RILPL1: variants seen among roughly 807,000 people sequenced by gnomAD.
RILPL1 encodes the protein RILP-like protein 1.
Under a neutral mutation model 50.3 loss-of-function variants are expected in RILPL1, and 33 were observed. The ratio of observed to expected loss-of-function variants is 0.66; its 90% CI spans 0.50 to 0.88. The LOEUF (loss-of-function observed/expected upper bound fraction) is 0.88. Among genes scored for constraint, RILPL1 ranks in the 40% least tolerant of loss-of-function variants. The pLI, the probability that RILPL1 is intolerant of heterozygous loss-of-function variation, is 0.00. For missense variants in RILPL1, 418 were observed against 542.5 expected (o/e 0.77, Z 2.28); for synonymous variants, 205 against 228.6 (o/e 0.90, Z 0.93).
rs1882554000 is a variant in RILPL1 at position 123,489,556 on chromosome 12, C to T, written c.802-3751G>A. Among the ~76,000 whole-genome samples the T allele has an allele frequency of 2.0e-5, 3 of 151,226 alleles. No individual in the cohort carries two copies. Among genetic ancestry groups the T allele is most frequent in the South Asian group, 4.2e-4 (2 of 4,772 alleles). ...GTGGGCACCTGTAATCCCAGCTGCT[C>T]GGGAGGCTGAGGCAGGAGAATTGCT... On this transcript the variant is annotated intron_variant, in intron 4 of 6. Coordinates refer to ENST00000376874, the MANE Select transcript of RILPL1 (RefSeq NM_178314.5). This position sits in a 1 kb window ranked among gnomAD's most constrained non-coding sequence, Gnocchi z 4.0.
At position 123,472,075 on chromosome 12, in the gene RILPL1, C is replaced by T; in HGVS notation, c.*463G>A. On this transcript the variant is annotated 3_prime_UTR_variant, in exon 7 of 7. Transcript: ENST00000376874. ...TGGATACATTCTGTATAATACGTTACCATCACAATTTCATGAATGTAACTA... is the reference window on the plus strand; with the variant it reads ...TGGATACATTCTGTATAATACGTTATCATCACAATTTCATGAATGTAACTA... 1 of 168,008 alleles carries T rather than the reference C, an allele frequency of 6.0e-6. No homozygotes were observed. The highest frequency in any genetic ancestry group is 1.3e-5 in the Non-Finnish European group (1 of 76,290). The allele number at this position is 168,008 out of a possible 1,614,324, so 10.4% of individuals were successfully genotyped here. A position where few individuals can be genotyped will look rare whatever the true frequency, so the allele number is the denominator to read the frequency against.
intron 2 of RILPL1, among the ~76,000 whole-genome samples, chr12:123,506,654 C>T (rs755076677): frequency 1.3e-5 from 2 of 152,202 alleles, no homozygotes; most frequent in African/African-American, 2.4e-5. Context: ...GCCATCGAGC[C>T]TCACGGCTTA....
chr12:123,475,851 T>C (rs1881554310), intron 6 of RILPL1: 1 of 715,682 alleles, frequency 1.4e-6, no homozygotes, highest in African/African-American at 1.8e-5. Context: ...GATTAGGGTC[T>C]AAGTTAGCGG....
In RILPL1 at chr12:123,522,798, G is replaced by A. The variant is rs892862934; in HGVS notation, c.460+697C>T. Reference sequence around the variant, plus strand: ...CGTTAGTAGAGACGGGGTCTATGTTGCCCAGGCTGGTCTCAAACTCCTGGC... The same window carrying A: ...CGTTAGTAGAGACGGGGTCTATGTTACCCAGGCTGGTCTCAAACTCCTGGC... On this transcript the variant is annotated intron_variant, in intron 2 of 6. Transcript: ENST00000376874. This position sits in a 1 kb window ranked among gnomAD's most constrained non-coding sequence, Gnocchi z 4.0. 6.6e-6 allele frequency among the ~76,000 whole-genome samples: 1 copy of A among 151,960 alleles called. No homozygotes were observed. Among genetic ancestry groups the A allele is most frequent in the African/African-American group, 2.4e-5 (1 of 41,352 alleles).
intron 3 of RILPL1, among the ~76,000 whole-genome samples, chr12:123,499,167 C>T (rs893110137): frequency 6.6e-6 from 1 of 152,146 alleles, no homozygotes; most frequent in Non-Finnish European, 1.5e-5. Flanking sequence ...CAAAGTCTGC[C>T]CAGGCCTCGG....
Position 123,509,974 on chromosome 12 carries a change from T to C in RILPL1, c.461-10438A>G, listed in dbSNP as rs147830385. Among the ~76,000 whole-genome samples, 722 of 152,238 alleles carry C rather than the reference T, an allele frequency of 4.7e-3. 3 individuals carry two copies. The highest frequency in any genetic ancestry group is 0.017 in the African/African-American group (694 of 41,558). On this transcript the variant is annotated intron_variant, in intron 2 of 6. Coordinates refer to ENST00000376874, the MANE Select transcript of RILPL1 (RefSeq NM_178314.5). Reference sequence around the variant, plus strand: ...CAGTCCCTGGAGCCGAGGCCTGGCATGTGTGGGGCAGGGGCTCCCGATGAG... The same window carrying C: ...CAGTCCCTGGAGCCGAGGCCTGGCACGTGTGGGGCAGGGGCTCCCGATGAG...
chr12:123,472,837 T>A, intron 6 of RILPL1, 155 bp from the exon 7 acceptor site: 1 of 737,318 alleles, frequency 1.4e-6, no homozygotes, highest in Non-Finnish European at 2.2e-6. Context: ...GTCAAAGTTA[T>A]TCCAAGAAAG....
At chr12:123,502,309 C>T (rs1883446900) in intron 2 of RILPL1, among the ~76,000 whole-genome samples, 1 of 152,202 alleles carries the variant, frequency 6.6e-6, no homozygotes, top group South Asian at 2.1e-4. Context: ...CGGCCACTGC[C>T]GGGCAGACGT....
At chr12:123,502,668 C>T (rs147039228) in intron 2 of RILPL1, among the ~76,000 whole-genome samples, 34 of 152,308 alleles carry the variant, frequency 2.2e-4, no homozygotes, top group African/African-American at 5.5e-4. Flanking sequence ...CCTGGCACAC[C>T]GCAGGTGCCC....
At chr12:123,492,551 A>G (rs1466265992) in intron 4 of RILPL1, among the ~76,000 whole-genome samples, 2 of 152,196 alleles carry the variant, frequency 1.3e-5, no homozygotes, top group Non-Finnish European at 2.9e-5. Context: ...TCAATAAGGA[A>G]GTTATAAAAA....
At chr12:123,520,633 C>T (rs941013416) in intron 2 of RILPL1, among the ~76,000 whole-genome samples, 2 of 152,132 alleles carry the variant, frequency 1.3e-5, no homozygotes, top group Non-Finnish European at 2.9e-5. Context: ...GATAGGGTTC[C>T]GGGGTCCTCC....
At chr12:123,496,052 G>A (rs781271722) in intron 4 of RILPL1, among the ~76,000 whole-genome samples, 30 of 150,282 alleles carry the variant, frequency 2.0e-4, no homozygotes, top group Non-Finnish European at 3.1e-4. Context: ...CACCCCTGTC[G>A]CCCAGGCTGG....
intron 4 of RILPL1, among the ~76,000 whole-genome samples, chr12:123,487,193 T>C (rs532430175): frequency 1.1e-3 from 168 of 152,350 alleles, no homozygotes; most frequent in African/African-American, 3.9e-3. Context: ...CTGCCTACCA[T>C]GGACATTTCC....
chr12:123,517,152 G>C (rs764587060), intron 2 of RILPL1, among the ~76,000 whole-genome samples: 1 of 152,110 alleles, frequency 6.6e-6, no homozygotes, highest in Non-Finnish European at 1.5e-5. Flanking sequence ...GGAGGAGAAC[G>C]TTTGGCTGCA....
intron 2 of RILPL1, among the ~76,000 whole-genome samples, chr12:123,510,940 GGTTT>G (rs1403590014): frequency 1.5e-5 from 2 of 137,546 alleles, no homozygotes; most frequent in African/African-American, 2.7e-5. Context: ...GTGTGTGTAA[GGTTT>G]GTGTGTATGT....
At chr12:123,523,381 T>A in intron 2 of RILPL1, 114 bp downstream of exon 2, 2 of 1,248,696 alleles carry the variant, frequency 1.6e-6, no homozygotes, top group Non-Finnish European at 2.3e-6. Flanking sequence ...GCAAAGGGCT[T>A]TGGGAATCAG....
intron 2 of RILPL1, among the ~76,000 whole-genome samples, chr12:123,521,853 A>G (rs554348276): frequency 6.6e-6 from 1 of 151,342 alleles, no homozygotes; most frequent in Admixed American, 6.6e-5. Flanking sequence ...GCTCACTGCA[A>G]CCTCCATCTC....
In RILPL1 at chr12:123,529,880, A is replaced by AAAAAC. The variant is rs1388781158; in HGVS notation, c.309+3293_309+3294insGTTTT. Among the ~76,000 whole-genome samples the AAAAAC allele has an allele frequency of 6.3e-4, 96 of 151,398 alleles. 1 individual carries two copies. Among genetic ancestry groups the AAAAAC allele is most frequent in the African/African-American group, 2.2e-3 (90 of 41,340 alleles). On this transcript the variant is annotated intron_variant, in intron 1 of 6. Transcript: ENST00000376874. ...CAGAGTACGTCCCTGACTCAAAAAA[A>AAAAAC]AAAAAAAGGAGAAAAAAAATCTCTA... is the stretch of plus-strand genomic sequence containing the variant.
intron 1 of RILPL1, among the ~76,000 whole-genome samples, chr12:123,524,992 T>C (rs993958423): frequency 5.3e-5 from 8 of 151,832 alleles, no homozygotes; most frequent in Non-Finnish European, 1.2e-4. Context: ...ATTAGCTGGG[T>C]GTGGTGGTGG....
Sources: gnomAD v4.1 joint callset for allele counts (sites outside exome capture counted in the v4.1 genomes callset) on GRCh38, gnomAD v4.1.1 for gene constraint, Gnocchi (gnomAD v3.1) non-coding constraint, MANE v1.5 for transcripts, NCBI Gene and HGNC (gene_info 2026-07-23, HGNC 2026-07-21) for gene names.